MYBBP1A: variants seen among roughly 807,000 people sequenced by gnomAD.
MYBBP1A encodes the protein myb-binding protein 1A.
A neutral mutation model predicts 136.3 loss-of-function variants in MYBBP1A; 147 were observed. The observed-to-expected ratio is 1.08, with a 90% confidence interval of 0.94 to 1.24. The LOEUF is 1.24. Ranked by LOEUF, MYBBP1A falls within the 50% of genes most tolerant of loss-of-function variation. The pLI, the probability that MYBBP1A is intolerant of heterozygous loss-of-function variation, is 0.00. For synonymous variants in MYBBP1A, 947 were observed against 735.8 expected (o/e 1.29, Z -4.65); for missense variants, 2,060 against 1,727.4 (o/e 1.19, Z -3.41).
rs1906131864 is a variant in MYBBP1A, at chr17:4,539,406, T to G, written c.*9A>C. On this transcript the variant is annotated 3_prime_UTR_variant, in exon 26 of 26. Transcript: ENST00000254718. ...GGAGGCAGGGGCTGAGGGGGGCCCG[T>G]ACCTGTGCTCAGGGCTTCCCTGCCT... is the stretch of plus-strand genomic sequence containing the variant. The G allele has an allele frequency of 6.2e-7, 1 of 1,601,530 alleles. No homozygotes were observed. Among genetic ancestry groups the G allele is most frequent in the African/African-American group, 1.3e-5 (1 of 74,352 alleles).
In MYBBP1A at chr17:4,544,649, G is replaced by A. The variant is rs1320596246; in HGVS notation, c.2482-3C>T. 7.0e-6 allele frequency: 11 copies of A among 1,565,240 alleles called. No homozygotes were observed. In the African/African-American group the frequency reaches 7.3e-5, roughly 10 times the overall value. On this transcript the variant is annotated splice_polypyrimidine_tract_variant and splice_region_variant and intron_variant, in intron 18 of 25. Coordinates refer to ENST00000254718, the MANE Select transcript of MYBBP1A (RefSeq NM_014520.4). ...AGCACCTCCACCAGGTCCAGCACCT[G>A]CAGCCAGGAGGGCAGGTCAGCAACA...
chr17:4,542,755 G>A lies in MYBBP1A; in HGVS notation c.2893-14C>T. ...GCAGCTGGCAGCCTAGGCCAGGGGA[G>A]AGCGAGCTGGGTGAGGCCAGGAGAG... is the stretch of plus-strand genomic sequence containing the variant. On this transcript the variant is annotated splice_polypyrimidine_tract_variant and intron_variant, in intron 20 of 25. Coordinates refer to ENST00000254718, the MANE Select transcript of MYBBP1A (RefSeq NM_014520.4). 4 of 1,613,152 alleles carry A rather than the reference G, an allele frequency of 2.5e-6. No individual in the cohort carries two copies. The highest frequency in any genetic ancestry group is 3.4e-6 in the Non-Finnish European group (4 of 1,179,458).
At chr17:4,553,052 C>G (rs1295083583) in intron 5 of MYBBP1A, among the ~76,000 whole-genome samples, 3 of 152,190 alleles carry the variant, frequency 2.0e-5, no homozygotes, top group Non-Finnish European at 2.9e-5. Context: ...GAACTCCTGA[C>G]CTCAAGTGAT....
chr17:4,543,242 C>A (rs1906638652), intron 19 of MYBBP1A, 77 bp from the exon 20 acceptor site: 2 of 1,488,316 alleles, frequency 1.3e-6, no homozygotes, highest in Non-Finnish European at 1.8e-6. Flanking sequence ...CAACCCAAGT[C>A]CCACTTTATA....
chr17:4,539,726 C>T lies in MYBBP1A; in HGVS notation c.3676G>A (p.Gly1226Arg), dbSNP rs143454897. The change falls in exon 26 of 26, where the codon GGG becomes AGG. Residue 1226 changes from glycine (G) to arginine (R), a missense_variant. Physicochemically the swap from Gly to Arg is moderately radical, Grantham distance 125 (BLOSUM62 -2). Transcript: ENST00000254718. ...TKAKVPAQANGTPTTKSPAPG... is the reference protein window; with the variant it reads ...TKAKVPAQANRTPTTKSPAPG... ...GCTGGACTCTTGGTGGTTGGCGTCC[C>T]GTTTGCCTGGGCTGGGACCTTAGCC... 1.5e-4 allele frequency: 235 copies of T among 1,610,278 alleles called. No homozygotes were observed. In the African/African-American group the frequency reaches 1.7e-3, roughly 12 times the overall value.
rs763031390 is a variant in MYBBP1A at position 4,540,488 on chromosome 17, C to T, written c.3298-4G>A. 1.7e-5 allele frequency: 27 copies of T among 1,605,596 alleles called. No individual in the cohort carries two copies. Among genetic ancestry groups the T allele is most frequent in the Non-Finnish European group, 2.0e-5 (24 of 1,177,552 alleles). On this transcript the variant is annotated splice_polypyrimidine_tract_variant and splice_region_variant and intron_variant, in intron 24 of 25. Transcript: ENST00000254718. ...CCGTCAGGTCCAAGGTCAGCTTCTG[C>T]AGAGGGTGGGAAGGCAGAGCTGTGG... is the stretch of plus-strand genomic sequence containing the variant.
At position 4,545,886 on chromosome 17, in the gene MYBBP1A, A is replaced by G; in HGVS notation, c.1881T>C (p.Ser627=). The G allele has an allele frequency of 6.2e-7, 1 of 1,613,270 alleles. No homozygotes were observed. The highest frequency in any genetic ancestry group is 2.2e-5 in the East Asian group (1 of 44,856). The change falls in exon 14 of 26, where the codon AGT becomes AGC. Residue 627 remains serine, a synonymous_variant. Transcript: ENST00000254718. ...LGDIQTCIRK[S]LGEKPRRSRT... ...GGCTCCGGCGGGGCTTCTCTCCCAG[A>G]CTTTTCCTGATGCAGGTCTGGATGT...
chr17:4,554,045 G>A lies in MYBBP1A; in HGVS notation c.427C>T (p.Leu143Phe). 1 of 1,614,038 alleles carries A rather than the reference G, an allele frequency of 6.2e-7. No individual in the cohort carries two copies. The highest frequency in any genetic ancestry group is 8.5e-7 in the Non-Finnish European group (1 of 1,180,034). ...LFANLFGVLA[L>F]FQSGRLVKDQ... ...TTCACCAGCCGACCTGACTGAAAGA[G>A]GGCGAGCACTCCAAACAGGTTTGCA... Residue 143 changes from leucine to phenylalanine, a missense_variant, in exon 4 of 26, where the codon CTC becomes TTC. Transcript: ENST00000254718.
rs1389530157 is a variant in MYBBP1A, at chr17:4,552,622, G to GT, written c.565_566insA (p.Ser189TyrfsTer25). 3 of 1,612,698 alleles carry GT rather than the reference G, an allele frequency of 1.9e-6. No individual in the cohort carries two copies. In the African/African-American group the frequency reaches 4.0e-5, roughly 22 times the overall value. On this transcript the variant is annotated frameshift_variant, in exon 6 of 26. Coordinates refer to ENST00000254718, the MANE Select transcript of MYBBP1A (RefSeq NM_014520.4). LOFTEE classifies it high-confidence loss of function. This position sits in a 1 kb window ranked among gnomAD's most constrained non-coding sequence, Gnocchi z 4.7. ...CAGGATCTCCTGCAATGTGGCCTTC[G>GT]AGACCTAAGGATGGAGGGAGAAGAA...
chr17:4,545,114 T>G lies in MYBBP1A; in HGVS notation c.2222A>C (p.Glu741Ala), dbSNP rs771813541. ...GTCGCGCTCCTCCTCCTCGCTCTCC[T>G]CCCCCTCGCTCTCCTCTTCACTCTC... ...SSESEEESEG[E>A]ESEEEERDGD... Residue 741 changes from glutamate (E) to alanine (A), a missense_variant, in exon 17 of 26, where the codon GAG becomes GCG. Transcript: ENST00000254718. 12 of 1,607,910 alleles carry G rather than the reference T, an allele frequency of 7.5e-6. No homozygotes were observed. In the South Asian group the frequency reaches 1.2e-4, roughly 16 times the overall value.
Position 4,540,453 on chromosome 17 carries a change from C to A in MYBBP1A, c.3329G>T (p.Gly1110Val), listed in dbSNP as rs1906304072. The change falls in exon 25 of 26, where the codon GGT becomes GTT. Residue 1110 changes from glycine to valine, a missense_variant. Transcript: ENST00000254718. The stretch of plus-strand genomic sequence containing the variant: ...GCTCTGCTGTTGCCCCTGCAGCACA[C>A]CCAGGAGCACCGTCAGGTCCAAGGT... ...KLTLDLTVLL[G>V]VLQGQQQSLQ... The A allele has an allele frequency of 1.2e-6, 2 of 1,610,522 alleles. No homozygotes were observed. The highest frequency in any genetic ancestry group is 1.7e-6 in the Non-Finnish European group (2 of 1,179,504).
rs979850891 is a variant in MYBBP1A at position 4,547,815 on chromosome 17, A to G, written c.1824+143T>C. On this transcript the variant is annotated intron_variant, in intron 13 of 25. Coordinates refer to ENST00000254718, the MANE Select transcript of MYBBP1A (RefSeq NM_014520.4). ...CCGGAGGGATGTTTCCACCTGTGACAAAGTTGGCTTCAAAAACCTCCCAAC... is the reference window on the plus strand; with the variant it reads ...CCGGAGGGATGTTTCCACCTGTGACGAAGTTGGCTTCAAAAACCTCCCAAC... 7.9e-6 allele frequency: 5 copies of G among 629,266 alleles called. No individual in the cohort carries two copies. In the African/African-American group the frequency reaches 9.3e-5, roughly 12 times the overall value. 39.0% of individuals were successfully genotyped at this position (629,266 alleles called of 1,614,324 possible).
intron 13 of MYBBP1A, 46 bp from the exon 14 acceptor site, chr17:4,545,988 G>GTGTGTGTCCTA: frequency 6.4e-7 from 1 of 1,573,626 alleles, no homozygotes. Context: ...CCTGTCCCCA[G>GTGTGTGTCCTA]CCCTTCTAAA....
At position 4,550,065 on chromosome 17, in the gene MYBBP1A, G is replaced by C; in HGVS notation, c.1312C>G (p.Leu438Val). Reference sequence around the variant, plus strand: ...CCCCCAAGGTCCACTCACATGTGGAGCGATGAATCCTGGGCTTTCTTCTGG... The same window carrying C: ...CCCCCAAGGTCCACTCACATGTGGACCGATGAATCCTGGGCTTTCTTCTGG... ...NNQKKAQDSS[L>V]HMPERAVFRL... The change falls in exon 9 of 26, where the codon CTC becomes GTC. Residue 438 changes from leucine (L) to valine (V), a missense_variant. By Grantham distance (32) the Leu-to-Val change is conservative. Coordinates refer to ENST00000254718, the MANE Select transcript of MYBBP1A (RefSeq NM_014520.4). 1 of 1,611,026 alleles carries C rather than the reference G, an allele frequency of 6.2e-7. No homozygotes were observed. Among genetic ancestry groups the C allele is most frequent in the Non-Finnish European group, 8.5e-7 (1 of 1,177,858 alleles).
In MYBBP1A at chr17:4,552,621, C is replaced by G. The variant is rs377058397; in HGVS notation, c.567G>C (p.Ser189=). 1.2e-6 allele frequency: 2 copies of G among 1,612,858 alleles called. No individual in the cohort carries two copies. The highest frequency in any genetic ancestry group is 1.7e-5 in the Admixed American group (1 of 59,988). ...GCAGGATCTCCTGCAATGTGGCCTT[C>G]GAGACCTAAGGATGGAGGGAGAAGA... ...KALVDILSEV[S]KATLQEILPE... Residue 189 remains serine (S), a synonymous_variant, in exon 6 of 26, where the codon TCG becomes TCC. Transcript: ENST00000254718. The surrounding 1 kb of genome is among the most constrained non-coding windows in gnomAD (Gnocchi z 4.7).
At position 4,552,777 on chromosome 17, in the gene MYBBP1A, G is replaced by C; in HGVS notation, c.562-151C>G. 4.2e-6 allele frequency: 3 copies of C among 721,146 alleles called. No individual in the cohort carries two copies. Among genetic ancestry groups the C allele is most frequent in the South Asian group, 2.0e-5 (1 of 50,026 alleles). The allele number at this position is 721,146 out of a possible 1,614,324, so 44.7% of individuals were successfully genotyped here. ...CAAAACTCAAATTCCCAGGCAGCGG[G>C]GTTTTTGACAAGCATCCCACTGACG... On this transcript the variant is annotated intron_variant, in intron 5 of 25. Transcript: ENST00000254718. The surrounding 1 kb of genome is among the most constrained non-coding windows in gnomAD (Gnocchi z 4.7).
At chr17:4,545,815 A>C (rs1906962123) in intron 14 of MYBBP1A, 31 bp downstream of exon 14, 2 of 1,610,698 alleles carry the variant, frequency 1.2e-6, no homozygotes, top group Non-Finnish European at 1.7e-6. Context: ...CCACCCCACC[A>C]CTCTAGTCCC....
chr17:4,551,619 G>T (rs773259135), intron 8 of MYBBP1A, among the ~76,000 whole-genome samples: 1 of 152,210 alleles, frequency 6.6e-6, no homozygotes, highest in Non-Finnish European at 1.5e-5. Context: ...TGAGGCAGGA[G>T]AATCGCTTGA....
At position 4,548,966 on chromosome 17, in the gene MYBBP1A, C is replaced by A. The variant is rs947542776; in HGVS notation, c.1431-317G>T. ...TGGCCAAGTCAGGTCACTGCTCCTG[C>A]GAACATGGGACAGCCCCCTCTTGCA... On this transcript the variant is annotated intron_variant, in intron 10 of 25. Transcript: ENST00000254718. This position sits in a 1 kb window ranked among gnomAD's most constrained non-coding sequence, Gnocchi z 4.2. Among the ~76,000 whole-genome samples, 2 of 152,254 alleles carry A rather than the reference C, an allele frequency of 1.3e-5. No homozygotes were observed. Among genetic ancestry groups the A allele is most frequent in the Non-Finnish European group, 2.9e-5 (2 of 68,046 alleles).
Sources: allele counts gnomAD v4.1 joint callset (sites outside exome capture counted in the v4.1 genomes callset), GRCh38; gene constraint gnomAD v4.1.1; non-coding constraint Gnocchi (gnomAD v3.1); transcripts MANE v1.5; gene names NCBI Gene and HGNC (gene_info 2026-07-23, HGNC 2026-07-21).